NFIB: variants seen among roughly 807,000 people sequenced by gnomAD.
The protein encoded by NFIB is nuclear factor I B.
Under a neutral mutation model 61.5 loss-of-function variants are expected in NFIB, and 11 were observed. The ratio of observed to expected loss-of-function variants is 0.18; its 90% CI spans 0.11 to 0.30. NFIB has a LOEUF of 0.30. NFIB is among the 10% of genes least tolerant of loss of function. The pLI, the probability that NFIB is intolerant of heterozygous loss-of-function variation, is 1.00. For synonymous variants in NFIB, 260 were observed against 216.5 expected, an observed-to-expected ratio of 1.20 and a Z score of -1.76; for missense variants, 471 against 608.9, an observed-to-expected ratio of 0.77 and a Z score of 2.38.
chr9:14,153,796 G>C (rs2043108199), intron 4 of NFIB, among the ~76,000 whole-genome samples: 1 of 152,104 alleles, frequency 6.6e-6, no homozygotes, highest in East Asian at 1.9e-4. Flanking sequence ...TGTTTACTTA[G>C]CAAACCCCTA....
chr9:14,513,627 CA>C, the NFIB span, among the ~76,000 whole-genome samples: 27 of 113,714 alleles, frequency 2.4e-4, no homozygotes, highest in South Asian at 3.2e-4. Context: ...GACTCCATCT[CA>C]AAAAAAAAAA....
chr9:14,183,376 C>A (rs1420590845), intron 2 of NFIB, among the ~76,000 whole-genome samples: 1 of 151,900 alleles, frequency 6.6e-6, no homozygotes, highest in Non-Finnish European at 1.5e-5. Context: ...AGCTGCCCAG[C>A]ATACTGGGTC....
chr9:14,322,606 C>A (rs1169813078), intron 1 of NFIB, among the ~76,000 whole-genome samples: 2 of 148,874 alleles, frequency 1.3e-5, no homozygotes, highest in Non-Finnish European at 3.0e-5. Context: ...CACGGCCGGC[C>A]TGGGCGCGCG....
chr9:14,237,349 T>C (rs1432279231), intron 2 of NFIB, among the ~76,000 whole-genome samples: 1 of 152,192 alleles, frequency 6.6e-6, no homozygotes, highest in African/African-American at 2.4e-5. Flanking sequence ...TTAGCCATTC[T>C]TAGCCCTCTT....
intron 3 of NFIB, among the ~76,000 whole-genome samples, chr9:14,158,934 T>C (rs1269696650): frequency 2.0e-5 from 3 of 152,246 alleles, no homozygotes; most frequent in African/African-American, 4.8e-5. Flanking sequence ...GTGATGAACA[T>C]TTCAATGTAT....
At chr9:14,436,136 G>A in the NFIB span, among the ~76,000 whole-genome samples, 1 of 152,202 alleles carries the variant, frequency 6.6e-6, no homozygotes, top group Non-Finnish European at 1.5e-5. Context: ...TCATTGCTTT[G>A]GCAAATGGAA....
At chr9:14,317,117 G>A (rs1024109806), upstream of NFIB, 3 of 152,092 alleles carry the variant, frequency 2.0e-5, no homozygotes, top group Admixed American at 6.5e-5. Flanking sequence ...GGCAAAAAGA[G>A]GCCCAGGGCT....
intron 2 of NFIB, among the ~76,000 whole-genome samples, chr9:14,217,778 T>C (rs2051115733): frequency 6.6e-6 from 1 of 152,030 alleles, no homozygotes; most frequent in South Asian, 2.1e-4. Flanking sequence ...TCATTCAAGA[T>C]ATTACTTCAC....
the NFIB span, among the ~76,000 whole-genome samples, chr9:14,405,206 T>C: frequency 1.3e-5 from 2 of 152,290 alleles, no homozygotes; most frequent in Admixed American, 1.3e-4. Context: ...CATTTAAATA[T>C]GGCACAGCCT....
the NFIB span, among the ~76,000 whole-genome samples, chr9:14,410,219 CA>C: frequency 6.6e-6 from 1 of 150,856 alleles, no homozygotes; most frequent in Non-Finnish European, 1.5e-5. Flanking sequence ...AAAACTTTTC[CA>C]AAAAAAATCA....
At chr9:14,515,760 G>T in the NFIB span, among the ~76,000 whole-genome samples, 2 of 152,212 alleles carry the variant, frequency 1.3e-5, no homozygotes, top group Non-Finnish European at 2.9e-5. Context: ...TGGGTTGGGG[G>T]TGGGGCCTGA....
chr9:14,085,966 G>A lies in NFIB; in HGVS notation c.*2343C>T. ...CAGGCTCACTCTCCACTGTGGATCT[G>A]GAACTTTCAAGAAAAACTATCACCA... is the stretch of plus-strand genomic sequence containing the variant. On this transcript the variant is annotated 3_prime_UTR_variant, in exon 11 of 11. Transcript: ENST00000380953. 2 of 229,380 alleles carry A rather than the reference G, an allele frequency of 8.7e-6. No individual in the cohort carries two copies. Among genetic ancestry groups the A allele is most frequent in the Middle Eastern group, 1.3e-3 (1 of 762 alleles). 14.2% of individuals were successfully genotyped at this position (229,380 alleles called of 1,614,324 possible).
chr9:14,225,030 T>C (rs927579718), intron 2 of NFIB, among the ~76,000 whole-genome samples: 1 of 152,154 alleles, frequency 6.6e-6, no homozygotes, highest in Non-Finnish European at 1.5e-5. Context: ...GGCTTATTCA[T>C]CCTACAAAAC....
At chr9:14,216,653 G>A (rs2050960718) in intron 2 of NFIB, among the ~76,000 whole-genome samples, 1 of 151,900 alleles carries the variant, frequency 6.6e-6, no homozygotes. Context: ...AGATGCTGGA[G>A]AGACGCTGTG....
chr9:14,375,331 A>G (rs541907014), intron 1 of NFIB, among the ~76,000 whole-genome samples: 235 of 152,308 alleles, frequency 1.5e-3, no homozygotes, highest in African/African-American at 5.2e-3. Flanking sequence ...CTCCTAGCTT[A>G]GTTAGTTCCT....
the NFIB span, among the ~76,000 whole-genome samples, chr9:14,497,500 A>G: frequency 1.3e-5 from 2 of 152,186 alleles, no homozygotes; most frequent in African/African-American, 2.4e-5. Flanking sequence ...TTAAGAAGGA[A>G]GTAGGGAAAG....
the NFIB span, among the ~76,000 whole-genome samples, chr9:14,503,044 A>G: frequency 1.3e-4 from 20 of 151,914 alleles, no homozygotes; most frequent in African/African-American, 4.3e-4. Context: ...GGTTTCTGCA[A>G]ATGCCATTAT....
intron 3 of NFIB, among the ~76,000 whole-genome samples, chr9:14,176,342 C>G (rs912381276): frequency 2.6e-5 from 4 of 151,518 alleles, no homozygotes; most frequent in Admixed American, 2.6e-4. Context: ...AAATGTGTAT[C>G]CCTAGAAAAA....
In NFIB at chr9:14,301,558, C is replaced by T. The variant is rs578167039; in HGVS notation, c.562+5431G>A. ...AATCATAATTGATGTAACAAATAAG[C>T]GTCCCATCCCTCCCTCCCTCTCTCC... On this transcript the variant is annotated intron_variant, in intron 2 of 10. Coordinates refer to ENST00000380953, the MANE Select transcript of NFIB (RefSeq NM_001190737.2). 5.3e-5 allele frequency among the ~76,000 whole-genome samples: 8 copies of T among 152,146 alleles called. No individual in the cohort carries two copies. The East Asian group carries it at 1.2e-3, about 22-fold the overall frequency.
Sources: allele counts gnomAD v4.1 joint callset (sites outside exome capture counted in the v4.1 genomes callset), GRCh38; gene constraint gnomAD v4.1.1; transcripts MANE v1.5; gene names NCBI Gene and HGNC (gene_info 2026-07-23, HGNC 2026-07-21).